Variants in OCLN observed in about 807,000 individuals in gnomAD.
OCLN encodes the protein occludin, also known as phosphatase 1, regulatory subunit 115.
Under a neutral mutation model 47.9 loss-of-function variants are expected in OCLN, and 21 were observed. The ratio of observed to expected loss-of-function variants is 0.44; its 90% CI spans 0.31 to 0.63. The LOEUF (loss-of-function observed/expected upper bound fraction) is 0.63, where lower values mean the gene tolerates loss of function less well. Among genes scored for constraint, OCLN ranks in the 30% least tolerant of loss-of-function variants. The probability of loss-of-function intolerance (pLI) is 0.08; values close to 1 mark genes in which losing one functional copy is unlikely to be tolerated. For synonymous variants in OCLN, 117 were observed against 198.4 expected (o/e 0.59, Z 3.45); for missense variants, 360 against 571.0 (o/e 0.63, Z 3.77).
intron 4 of OCLN, among the ~76,000 whole-genome samples, chr5:69,516,871 A>G (rs1446642686): frequency 6.6e-6 from 1 of 152,050 alleles, no homozygotes. Context: ...AACCTAGGCA[A>G]CATAATGGGA....
At chr5:69,549,768 T>C (rs1349481162) in intron 7 of OCLN, among the ~76,000 whole-genome samples, 1 of 151,852 alleles carries the variant, frequency 6.6e-6, no homozygotes, top group Non-Finnish European at 1.5e-5. Context: ...TACGTAAGTA[T>C]GGACTTTACA....
chr5:69,517,946 T>A (rs1330606016), intron 4 of OCLN, among the ~76,000 whole-genome samples: 1 of 152,172 alleles, frequency 6.6e-6, no homozygotes, highest in African/African-American at 2.4e-5. Flanking sequence ...TGTGTTAGTT[T>A]TCGTTGGCAG....
At chr5:69,515,406 G>A (rs1768912212) in intron 4 of OCLN, among the ~76,000 whole-genome samples, 2 of 143,806 alleles carry the variant, frequency 1.4e-5, no homozygotes, top group Admixed American at 1.4e-4. Context: ...CCGGGCAGGG[G>A]GCTGACCCCC....
intron 1 of OCLN, among the ~76,000 whole-genome samples, chr5:69,496,975 A>G (rs1440790414): frequency 6.6e-6 from 1 of 151,988 alleles, no homozygotes; most frequent in South Asian, 2.1e-4. Flanking sequence ...CACTCAACAC[A>G]TGTACAGATT....
chr5:69,529,135 T>G (rs898066955), intron 4 of OCLN, among the ~76,000 whole-genome samples: 1 of 152,030 alleles, frequency 6.6e-6, no homozygotes, highest in Non-Finnish European at 1.5e-5. Context: ...GGAGTCAGGG[T>G]GGGGAAGGTG....
intron 4 of OCLN, among the ~76,000 whole-genome samples, chr5:69,518,193 A>G (rs999580209): frequency 7.9e-5 from 12 of 152,232 alleles, no homozygotes; most frequent in Admixed American, 6.5e-4. Flanking sequence ...AGAAGGTATT[A>G]TTTTAATAAA....
chr5:69,513,076 A>G (rs1387489843), intron 3 of OCLN, among the ~76,000 whole-genome samples: 1 of 152,056 alleles, frequency 6.6e-6, no homozygotes, highest in East Asian at 1.9e-4. Context: ...GAGGGTTGGT[A>G]CTCCTATCCT....
At chr5:69,546,942 G>A (rs1220391970) in intron 6 of OCLN, among the ~76,000 whole-genome samples, 1 of 145,912 alleles carries the variant, frequency 6.9e-6, no homozygotes, top group African/African-American at 2.5e-5. Context: ...TTTCTCTATG[G>A]ATTATGGGTT....
intron 3 of OCLN, among the ~76,000 whole-genome samples, chr5:69,510,199 C>T (rs1205131592): frequency 6.6e-6 from 1 of 151,904 alleles, no homozygotes; most frequent in South Asian, 2.1e-4. Context: ...CTAGGTATTT[C>T]ATATAAATGG....
At position 69,554,540 on chromosome 5, in the gene OCLN, A is replaced by G. The variant is rs1002376499; in HGVS notation, c.*869A>G. 1.3e-5 allele frequency: 2 copies of G among 151,938 alleles called. No homozygotes were observed. The highest frequency in any genetic ancestry group is 4.8e-5 in the African/African-American group (2 of 41,334). 9.4% of individuals were successfully genotyped at this position (151,938 alleles called of 1,614,324 possible). A position where few individuals can be genotyped will look rare whatever the true frequency, so the allele number is the denominator to read the frequency against. ...GTTCAATTTCTATACATATTTTATA[A>G]GGTATTAAACCTGGTGTTTTCTTTC... On this transcript the variant is annotated 3_prime_UTR_variant, in exon 9 of 9. Coordinates refer to ENST00000396442, the MANE Select transcript of OCLN (RefSeq NM_001205254.2).
chr5:69,510,710 T>G (rs1272807420), intron 3 of OCLN, among the ~76,000 whole-genome samples: 1 of 152,146 alleles, frequency 6.6e-6, no homozygotes, highest in Non-Finnish European at 1.5e-5. Context: ...GCTATAGACA[T>G]TCTTGTATAC....
intron 8 of OCLN, 25 bp downstream of exon 8, chr5:69,551,610 AG>A (rs1769866488): frequency 8.9e-6 from 1 of 111,962 alleles, no homozygotes; most frequent in Admixed American, 1.8e-4. Flanking sequence ...TTGTTCTTTT[AG>A]GAAGAACTTT....
At chr5:69,531,448 C>G (rs1267509970) in intron 4 of OCLN, among the ~76,000 whole-genome samples, 1 of 152,192 alleles carries the variant, frequency 6.6e-6, no homozygotes, top group African/African-American at 2.4e-5. Flanking sequence ...GAGGTGGGAC[C>G]TAGAGAAGTA....
intron 1 of OCLN, among the ~76,000 whole-genome samples, chr5:69,500,866 A>G (rs904859422): frequency 2.0e-5 from 3 of 152,130 alleles, no homozygotes; most frequent in Non-Finnish European, 4.4e-5. Flanking sequence ...GATATTTGAC[A>G]TTCAGCTTCA....
Position 69,553,760 on chromosome 5 carries a change from G to C in OCLN, c.*89G>C. On this transcript the variant is annotated 3_prime_UTR_variant, in exon 9 of 9. Coordinates refer to ENST00000396442, the MANE Select transcript of OCLN (RefSeq NM_001205254.2). ...CAAATGACTTTGGACCATAACCCCG[G>C]AAGCCAAACCTCTGTGAGCATCACA... 11 of 1,588,078 alleles carry C rather than the reference G, an allele frequency of 6.9e-6. No individual in the cohort carries two copies. The highest frequency in any genetic ancestry group is 9.5e-6 in the Non-Finnish European group (11 of 1,160,546).
At chr5:69,512,579 A>G (rs1224939024) in intron 3 of OCLN, among the ~76,000 whole-genome samples, 4 of 152,204 alleles carry the variant, frequency 2.6e-5, no homozygotes, top group African/African-American at 9.6e-5. Flanking sequence ...TCAATTTTGG[A>G]AAAAAATGCC....
intron 4 of OCLN, among the ~76,000 whole-genome samples, chr5:69,515,612 G>A (rs1768931387): frequency 6.7e-6 from 1 of 149,026 alleles, no homozygotes; most frequent in Non-Finnish European, 1.5e-5. Flanking sequence ...CCTCCCGGAC[G>A]GGGCGGCTGG....
intron 4 of OCLN, among the ~76,000 whole-genome samples, chr5:69,529,063 T>C (rs1252388178): frequency 6.6e-6 from 1 of 152,212 alleles, no homozygotes; most frequent in African/African-American, 2.4e-5. Flanking sequence ...GGAGAGAAGA[T>C]TTTCTTTCAA....
chr5:69,515,400 G>C (rs1488432027), intron 4 of OCLN, among the ~76,000 whole-genome samples: 1 of 143,562 alleles, frequency 7.0e-6, no homozygotes, highest in Non-Finnish European at 1.5e-5. Context: ...GGCTGGCCGG[G>C]CAGGGGGCTG....
Sources: gnomAD v4.1 joint callset for allele counts (sites outside exome capture counted in the v4.1 genomes callset) on GRCh38, gnomAD v4.1.1 for gene constraint, MANE v1.5 for transcripts, NCBI Gene and HGNC (gene_info 2026-07-23, HGNC 2026-07-21) for gene names.